Variants in EIF3I observed in about 807,000 individuals in gnomAD.
The protein encoded by EIF3I is eukaryotic translation initiation factor 3 subunit I, also known as TGF-beta receptor-interacting protein 1.
Under a neutral mutation model 43.3 loss-of-function variants are expected in EIF3I, and 20 were observed. That is an observed-to-expected ratio of 0.46 (90% CI 0.32 to 0.67). The LOEUF (loss-of-function observed/expected upper bound fraction) is 0.67. Among genes scored for constraint, EIF3I ranks in the 30% least tolerant of loss-of-function variants. The pLI, the probability that EIF3I is intolerant of heterozygous loss-of-function variation, is 0.03. For synonymous variants in EIF3I, 167 were observed against 151.7 expected, an observed-to-expected ratio of 1.10 and a Z score of -0.74; for missense variants, 279 against 421.4, an observed-to-expected ratio of 0.66 and a Z score of 2.96.
At chr1:32,227,609 C>CA (rs1249966917) in intron 6 of EIF3I, among the ~76,000 whole-genome samples, 3 of 150,798 alleles carry the variant, frequency 2.0e-5, no homozygotes, top group Non-Finnish European at 3.0e-5. Flanking sequence ...CCTGTCTCTA[C>CA]AAAAAAAAAT....
intron 4 of EIF3I, 163 bp from the exon 5 acceptor site, chr1:32,226,008 G>A (rs2124262418): frequency 1.1e-6 from 1 of 931,718 alleles, no homozygotes; most frequent in African/African-American, 1.7e-5. Context: ...GGGCAACAGA[G>A]TGAAACTGTC....
At chr1:32,233,282 G>C (rs1639262631), downstream of EIF3I, among the ~76,000 whole-genome samples, 1 of 152,198 alleles carries the variant, frequency 6.6e-6, no homozygotes, top group Non-Finnish European at 1.5e-5. Flanking sequence ...AGCCACCTGA[G>C]TAGCTGGGAC....
chr1:32,236,019 C>T (rs1422653184), downstream of EIF3I, among the ~76,000 whole-genome samples: 2 of 152,166 alleles, frequency 1.3e-5, no homozygotes, highest in Non-Finnish European at 2.9e-5. Flanking sequence ...ATCTGTCCTC[C>T]CATTTCATAC....
exon 6 of EIF3I, chr1:32,226,494 C>G: frequency 6.3e-7 from 1 of 1,587,322 alleles, no homozygotes; most frequent in Non-Finnish European, 8.6e-7. Context: ...TCATCGCTGG[C>G]CATGAGAGTG....
In EIF3I at chr1:32,226,368, A is replaced by G. The variant is rs114114874; in HGVS notation, c.401-35A>G. 5.0e-4 allele frequency: 805 copies of G among 1,613,122 alleles called. 3 individuals carry two copies. In the African/African-American group the frequency reaches 9.9e-3, roughly 20 times the overall value. On this transcript the variant is annotated intron_variant, in intron 5 of 11. Transcript: ENST00000676679. ...GGGTTGAGGTAAAGGGTACAGTTCT[A>G]GAGCCCAGGGCCTAACATCTACTGC...
intron 7 of EIF3I, 46 bp from the exon 8 acceptor site, chr1:32,228,681 C>T: frequency 6.2e-7 from 1 of 1,604,222 alleles, no homozygotes; most frequent in Non-Finnish European, 8.5e-7. Context: ...CCCGACTTCC[C>T]CCAGGAAAGC....
Position 32,227,680 on chromosome 1 carries a change from C to T in EIF3I, c.529-819C>T, listed in dbSNP as rs148946669. ...GTCCCAGGTACTCAGGATGTTGAGG[C>T]TGAAAGATTGCTTGAGTCTGGGAGA... On this transcript the variant is annotated intron_variant, in intron 6 of 11. Transcript: ENST00000676679. 3.0e-4 allele frequency among the ~76,000 whole-genome samples: 46 copies of T among 152,038 alleles called. No homozygotes were observed. In the East Asian group the frequency reaches 8.3e-3, roughly 28 times the overall value.
chr1:32,228,738 C>G lies in EIF3I; in HGVS notation c.651C>G (p.Ser217=), dbSNP rs1177560604. 4.3e-6 allele frequency: 7 copies of G among 1,614,044 alleles called. No individual in the cohort carries two copies. In the South Asian group the frequency reaches 7.7e-5, roughly 18 times the overall value. Residue 217 remains serine, a synonymous_variant, in exon 8 of 12, where the codon TCC becomes TCG. Transcript: ENST00000676679. ...CCTTCTCTCTCCAGCTTTTTGACTC[C>G]ACAACTCTTGAACATCAGAAGACTT... is the stretch of plus-strand genomic sequence containing the variant.
downstream of EIF3I, among the ~76,000 whole-genome samples, chr1:32,232,612 A>G (rs1639254328): frequency 6.6e-6 from 1 of 152,196 alleles, no homozygotes; most frequent in African/African-American, 2.4e-5. Context: ...AAGAAAATTG[A>G]TAACAATGAA....
chr1:32,235,326 A>G (rs1010203710), downstream of EIF3I: 2 of 152,434 alleles, frequency 1.3e-5, no homozygotes, highest in Admixed American at 1.3e-4. Flanking sequence ...CGTTCTGTCC[A>G]TGAAATGGTT....
At chr1:32,226,069 C>A in intron 4 of EIF3I, 102 bp from the exon 5 acceptor site, 2 of 1,424,558 alleles carry the variant, frequency 1.4e-6, no homozygotes, top group South Asian at 1.4e-5. Context: ...AAGTTTGGGT[C>A]ACTGGAGCAA....
chr1:32,222,840 T>TAATCCCAGCACTTTGAGAGGCCGAG (rs1557551692), intron 2 of EIF3I, among the ~76,000 whole-genome samples: 2 of 152,144 alleles, frequency 1.3e-5, no homozygotes, highest in Non-Finnish European at 2.9e-5. Flanking sequence ...CTCACGCCTG[T>TAATCCCAGCACTTTGAGAGGCCGAG]AATCCCAGCA....
At chr1:32,235,394 G>C (rs1463733357), downstream of EIF3I, among the ~76,000 whole-genome samples, 8 of 151,416 alleles carry the variant, frequency 5.3e-5, no homozygotes, top group African/African-American at 1.7e-4. Flanking sequence ...GCAGTGGTGC[G>C]ATCTCAGCTC....
At chr1:32,232,528 G>A (rs556289571), downstream of EIF3I, among the ~76,000 whole-genome samples, 15 of 152,296 alleles carry the variant, frequency 9.8e-5, no homozygotes, top group South Asian at 1.7e-3. Context: ...TGGGGAGAAC[G>A]GCATGAGCCA....
At chr1:32,224,271 A>T in intron 3 of EIF3I, 139 bp from the exon 4 acceptor site, 2 of 1,100,790 alleles carry the variant, frequency 1.8e-6, no homozygotes, top group Non-Finnish European at 1.4e-6. Flanking sequence ...GGAAACATTC[A>T]GGACAAATTC....
intron 9 of EIF3I, among the ~76,000 whole-genome samples, chr1:32,230,067 G>T (rs1016383728): frequency 6.6e-6 from 1 of 151,798 alleles, no homozygotes; most frequent in East Asian, 1.9e-4. Context: ...AGTTAAAAAA[G>T]TAAGAGACAG....
intron 4 of EIF3I, among the ~76,000 whole-genome samples, chr1:32,225,614 A>G (rs111388061): frequency 0.13 from 20,182 of 151,520 alleles, 1,821 homozygotes; most frequent in South Asian, 0.25. Flanking sequence ...GGTGGTGGGC[A>G]CCTGTAATCC....
exon 12 of EIF3I, chr1:32,231,283 G>C: frequency 2.4e-6 from 3 of 1,266,654 alleles, no homozygotes; most frequent in Non-Finnish European, 3.4e-6. Flanking sequence ...CTGAGGTCAG[G>C]AGTTTAAGAC....
intron 9 of EIF3I, 23 bp downstream of exon 9, chr1:32,229,231 C>A: frequency 6.2e-7 from 1 of 1,606,672 alleles, no homozygotes; most frequent in Non-Finnish European, 8.5e-7. Context: ...AGAGCTCTTC[C>A]AAATTAAAAT....
Sources: allele counts gnomAD v4.1 joint callset (sites outside exome capture counted in the v4.1 genomes callset), GRCh38; gene constraint gnomAD v4.1.1; transcripts MANE v1.5; gene names NCBI Gene and HGNC (gene_info 2026-07-23, HGNC 2026-07-21).